AGO3: variants seen among roughly 807,000 people sequenced by gnomAD.
AGO3 encodes argonaute RISC catalytic component 3.
Under a neutral mutation model 105.5 loss-of-function variants are expected in AGO3, and 16 were observed. That is an observed-to-expected ratio of 0.15 (90% CI 0.10 to 0.23). AGO3 has a LOEUF of 0.23. AGO3 is among the 10% of genes least tolerant of loss of function. The pLI, the probability that AGO3 is intolerant of heterozygous loss-of-function variation, is 1.00. For missense variants in AGO3, 534 were observed against 1,088.0 expected (o/e 0.49, Z 7.16); for synonymous variants, 340 against 367.3 (o/e 0.93, Z 0.85).
intron 5 of AGO3, chr1:35,982,630 T>C: frequency 1.4e-6 from 1 of 717,716 alleles, no homozygotes; most frequent in Non-Finnish European, 2.6e-6. Flanking sequence ...GAAAGAGACC[T>C]CTGGCAGCAG....
intron 14 of AGO3, 113 bp downstream of exon 14, chr1:36,036,380 T>C: frequency 3.9e-6 from 4 of 1,014,350 alleles, no homozygotes; most frequent in Non-Finnish European, 5.9e-6. Flanking sequence ...ATAAATGTTC[T>C]TTGGGTTTTT....
chr1:35,937,128 A>G (rs1054492991), intron 1 of AGO3, among the ~76,000 whole-genome samples: 1 of 152,178 alleles, frequency 6.6e-6, no homozygotes, highest in Non-Finnish European at 1.5e-5. Context: ...CCTTTTAAAA[A>G]TTGTTTCTCA....
chr1:36,003,709 A>AATATATATATAT (rs1235994406), intron 5 of AGO3, among the ~76,000 whole-genome samples: 10 of 99,422 alleles, frequency 1.0e-4, no homozygotes, highest in East Asian at 2.9e-4. Flanking sequence ...AAAAAAAAAA[A>AATATATATATAT]ATATATATAT....
rs767121077 is a variant in AGO3 at position 35,972,119 on chromosome 1, G to C, written c.408G>C (p.Leu136=). ...TCTCTCGGGTGAGTTGGCACCTACT[G>C]CATGAAGTACTGACAGGACGGACCT... ...KFVSRVSWHL[L]HEVLTGRTLP... Residue 136 remains leucine, a synonymous_variant, in exon 4 of 19, where the codon CTG becomes CTC. Coordinates refer to ENST00000373191, the MANE Select transcript of AGO3 (RefSeq NM_024852.4). The C allele has an allele frequency of 1.9e-6, 3 of 1,614,112 alleles. No individual in the cohort carries two copies. In the South Asian group the frequency reaches 3.3e-5, roughly 18 times the overall value.
At chr1:35,998,163 A>G (rs1340647293) in intron 5 of AGO3, among the ~76,000 whole-genome samples, 1 of 152,132 alleles carries the variant, frequency 6.6e-6, no homozygotes, top group Non-Finnish European at 1.5e-5. Context: ...AGTTATAGTT[A>G]TCTAGATACA....
intron 5 of AGO3, among the ~76,000 whole-genome samples, chr1:35,975,859 T>C (rs1303576412): frequency 1.3e-5 from 2 of 152,168 alleles, no homozygotes; most frequent in African/African-American, 2.4e-5. Flanking sequence ...TGTCTTTCTA[T>C]TTGTTTAAGA....
intron 1 of AGO3, among the ~76,000 whole-genome samples, chr1:35,934,604 TGC>T (rs1200825506): frequency 6.6e-6 from 1 of 152,196 alleles, no homozygotes. Context: ...AAATATGTAA[TGC>T]CATCAGGGTC....
At chr1:35,981,616 T>G (rs1359354202) in intron 5 of AGO3, among the ~76,000 whole-genome samples, 5 of 152,208 alleles carry the variant, frequency 3.3e-5, no homozygotes, top group African/African-American at 1.2e-4. Context: ...ACTATTCTTA[T>G]AACTTTTCTG....
At position 36,071,388 on chromosome 1, in the gene AGO3, T is replaced by C. The variant is rs945800177; in HGVS notation, c.*15643T>C. ...TTCTACTTTTTAACCATCTTTACCG[T>C]GTGTGCCTATTTGTATTGCAGATGT... On this transcript the variant is annotated 3_prime_UTR_variant, in exon 19 of 19. Transcript: ENST00000373191. 3 of 152,222 alleles carry C rather than the reference T, an allele frequency of 2.0e-5. No individual in the cohort carries two copies. The highest frequency in any genetic ancestry group is 7.2e-5 in the African/African-American group (3 of 41,464). The allele number at this position is 152,222 out of a possible 1,614,324, so 9.4% of individuals were successfully genotyped here. A position where few individuals can be genotyped will look rare whatever the true frequency, so the allele number is the denominator to read the frequency against.
intron 11 of AGO3, among the ~76,000 whole-genome samples, chr1:36,024,029 A>G (rs74649895): frequency 0.015 from 2,337 of 152,010 alleles, 50 homozygotes; most frequent in African/African-American, 0.053. Flanking sequence ...CCTTGAAATC[A>G]TAGTGCTCTG....
At chr1:36,028,586 T>G (rs937842276) in intron 12 of AGO3, among the ~76,000 whole-genome samples, 1 of 152,088 alleles carries the variant, frequency 6.6e-6, no homozygotes, top group African/African-American at 2.4e-5. Context: ...CATCATTTTT[T>G]ATGGCTGCGT....
At position 36,008,590 on chromosome 1, in the gene AGO3, C is replaced by A; in HGVS notation, c.794-100C>A. 9.4e-7 allele frequency: 1 copy of A among 1,068,204 alleles called. No individual in the cohort carries two copies. Among genetic ancestry groups the A allele is most frequent in the Non-Finnish European group, 1.4e-6 (1 of 738,002 alleles). The allele number at this position is 1,068,204 out of a possible 1,614,324, so 66.2% of individuals were successfully genotyped here. ...TTGCCTGTATCACAGAATTTTTTGT[C>A]TGTTCAGAATTGAGTTTTTATGGTA... On this transcript the variant is annotated intron_variant, in intron 6 of 18. Coordinates refer to ENST00000373191, the MANE Select transcript of AGO3 (RefSeq NM_024852.4). The surrounding 1 kb of genome is among the most constrained non-coding windows in gnomAD (Gnocchi z 5.1).
Position 36,034,319 on chromosome 1 carries a change from T to C in AGO3, c.1737T>C (p.Leu579=), listed in dbSNP as rs1235206016. Residue 579 remains leucine, a synonymous_variant, in exon 13 of 19, where the codon CTT becomes CTC. Coordinates refer to ENST00000373191, the MANE Select transcript of AGO3 (RefSeq NM_024852.4). ...NVKLGGINNI[L]VPHQRPSVFQ... is the part of the protein sequence containing the mutation. ...AACTCGGAGGGATCAATAATATTCT[T>C]GTACCTCATCAAAGGTAAGATATGC... The C allele has an allele frequency of 1.3e-6, 2 of 1,595,774 alleles. No homozygotes were observed. The highest frequency in any genetic ancestry group is 8.5e-7 in the Non-Finnish European group (1 of 1,174,040).
chr1:36,029,179 C>A (rs115110610), intron 12 of AGO3, among the ~76,000 whole-genome samples: 2,339 of 152,024 alleles, frequency 0.015, 50 homozygotes, highest in African/African-American at 0.053. Flanking sequence ...AGTAAACAGT[C>A]AATGTTAACT....
In AGO3 at chr1:36,068,120, CACAA is replaced by C. The variant is rs1337938657; in HGVS notation, c.*12379_*12382del. The C allele has an allele frequency of 1.3e-5, 2 of 152,100 alleles. 1 individual carries two copies. Among genetic ancestry groups the C allele is most frequent in the African/African-American group, 4.8e-5 (2 of 41,384 alleles). 9.4% of individuals were successfully genotyped at this position (152,100 alleles called of 1,614,324 possible). On this transcript the variant is annotated 3_prime_UTR_variant, in exon 19 of 19. Transcript: ENST00000373191. ...TTTTTCCCCATCACACACACTCACA[CACAA>C]ACACACACACTGTTAAAAATAAAAG...
At chr1:35,955,766 T>A (rs758572705) in intron 2 of AGO3, among the ~76,000 whole-genome samples, 2 of 152,138 alleles carry the variant, frequency 1.3e-5, no homozygotes, top group Non-Finnish European at 2.9e-5. Flanking sequence ...GGCTAATTTT[T>A]GTATTTTTTA....
At chr1:35,992,948 GCCATGTGGA>G (rs1337415298) in intron 5 of AGO3, among the ~76,000 whole-genome samples, 1 of 152,086 alleles carries the variant, frequency 6.6e-6, no homozygotes, top group African/African-American at 2.4e-5. Context: ...TCAGTTCCTT[GCCATGTGGA>G]CCTCTCTATA....
intron 2 of AGO3, among the ~76,000 whole-genome samples, chr1:35,965,926 A>G (rs1646766413): frequency 6.6e-6 from 1 of 150,956 alleles, no homozygotes; most frequent in Non-Finnish European, 1.5e-5. Flanking sequence ...TCTGGGTTCA[A>G]GCAATTCTCC....
At position 35,972,018 on chromosome 1, in the gene AGO3, C is replaced by A. The variant is rs78231372; in HGVS notation, c.313-6C>A. On this transcript the variant is annotated splice_polypyrimidine_tract_variant and splice_region_variant and intron_variant, in intron 3 of 18. Coordinates refer to ENST00000373191, the MANE Select transcript of AGO3 (RefSeq NM_024852.4). ...ATTTACCAGTTGACTCTTTTCCCATCAACAGGTAGATTTAGACGTTACTTT... is the reference window on the plus strand; with the variant it reads ...ATTTACCAGTTGACTCTTTTCCCATAAACAGGTAGATTTAGACGTTACTTT... 6.2e-7 allele frequency: 1 copy of A among 1,612,888 alleles called. No individual in the cohort carries two copies. Among genetic ancestry groups the A allele is most frequent in the Non-Finnish European group, 8.5e-7 (1 of 1,179,392 alleles).
Sources: allele counts gnomAD v4.1 joint callset (sites outside exome capture counted in the v4.1 genomes callset), GRCh38; gene constraint gnomAD v4.1.1; non-coding constraint Gnocchi (gnomAD v3.1); transcripts MANE v1.5; gene names NCBI Gene and HGNC (gene_info 2026-07-23, HGNC 2026-07-21).